The following METTL15 variants were observed in gnomAD, a reference collection of about 807,000 sequenced individuals.
METTL15 encodes methyltransferase 15, mitochondrial 12S rRNA N4-cytidine.
A neutral mutation model predicts 38.3 loss-of-function variants in METTL15; 34 were observed. The ratio of observed to expected loss-of-function variants is 0.89; its 90% CI spans 0.68 to 1.18. METTL15 has a LOEUF of 1.18. Among genes scored for constraint, METTL15 ranks in the 50% most tolerant of loss-of-function variants. METTL15 has a pLI of 0.00. For missense variants in METTL15, 438 were observed against 498.4 expected, an observed-to-expected ratio of 0.88 and a Z score of 1.15; for synonymous variants, 162 against 170.9, an observed-to-expected ratio of 0.95 and a Z score of 0.41.
intron 2 of METTL15, among the ~76,000 whole-genome samples, chr11:28,111,627 A>G (rs1447454288): frequency 6.6e-6 from 1 of 152,192 alleles, no homozygotes; most frequent in Non-Finnish European, 1.5e-5. Context: ...CTCTGGGGGT[A>G]GACTGTGTTA....
At chr11:28,347,147 GCTTTGTTTCCCTT>G (rs1482989391) in intron 3 of METTL15, among the ~76,000 whole-genome samples, 22 of 152,210 alleles carry the variant, frequency 1.4e-4, no homozygotes, top group Admixed American at 1.3e-3. Flanking sequence ...ATGAGAATGT[GCTTTGTTTCCCTT>G]CTATTACAGG....
intron 4 of METTL15, among the ~76,000 whole-genome samples, chr11:28,260,185 A>G (rs1855144388): frequency 6.6e-6 from 1 of 152,188 alleles, no homozygotes; most frequent in Non-Finnish European, 1.5e-5. Context: ...TACTAAGAAC[A>G]TATCAGTTTC....
intron 4 of METTL15, among the ~76,000 whole-genome samples, chr11:28,268,642 A>T (rs954291958): frequency 1.3e-5 from 2 of 152,190 alleles, no homozygotes; most frequent in Non-Finnish European, 2.9e-5. Context: ...AAGGTAGTAC[A>T]ATTGCTGTGT....
chr11:28,223,197 A>G lies in METTL15; in HGVS notation c.407+11999A>G, dbSNP rs749489853. On this transcript the variant is annotated intron_variant, in intron 4 of 6. Transcript: ENST00000407364. The stretch of plus-strand genomic sequence containing the variant: ...GCTTGTGTATATATAATCATGGAAA[A>G]CTTGAAAAAGACAGGATTAACAATG... Among the ~76,000 whole-genome samples, 5 of 152,240 alleles carry G rather than the reference A, an allele frequency of 3.3e-5. No homozygotes were observed. In the South Asian group the frequency reaches 8.3e-4, roughly 25 times the overall value.
At chr11:28,499,184 GA>G (rs1851561873) in intron 6 of METTL15, among the ~76,000 whole-genome samples, 1 of 152,142 alleles carries the variant, frequency 6.6e-6, no homozygotes, top group Admixed American at 6.5e-5. Flanking sequence ...CTGCCCCTTG[GA>G]CCTTTGCCTA....
intron 3 of METTL15, among the ~76,000 whole-genome samples, chr11:28,201,610 G>GGTGTGTGTGTGTGTGTGTGT (rs71050951): frequency 0.022 from 3,223 of 145,486 alleles, 76 homozygotes; most frequent in African/African-American, 0.044. Flanking sequence ...GTCTTGGGAG[G>GGTGTGTGTGTGTGTGTGTGT]GTGTGTGTGT....
intron 6 of METTL15, among the ~76,000 whole-genome samples, chr11:28,521,120 T>A (rs1172661865): frequency 6.6e-6 from 1 of 152,236 alleles, no homozygotes; most frequent in Admixed American, 6.5e-5. Context: ...TTGTATTTTA[T>A]ACAGTTTTGT....
At chr11:28,231,135 T>C (rs980213768) in intron 4 of METTL15, among the ~76,000 whole-genome samples, 1 of 151,938 alleles carries the variant, frequency 6.6e-6, no homozygotes, top group Non-Finnish European at 1.5e-5. Flanking sequence ...TATTAAATCA[T>C]ATTCTGGTAT....
intron 5 of METTL15, among the ~76,000 whole-genome samples, chr11:28,411,200 C>T (rs1026347787): frequency 2.6e-5 from 4 of 151,792 alleles, no homozygotes; most frequent in Non-Finnish European, 5.9e-5. Context: ...TTAACATAAT[C>T]GCCATCAAAA....
rs1294569291 is a variant in METTL15 at position 28,409,367 on chromosome 11, G to A, written c.*359-14932G>A. 7.1e-5 allele frequency among the ~76,000 whole-genome samples: 8 copies of A among 112,606 alleles called. No individual in the cohort carries two copies. In the East Asian group the frequency reaches 2.1e-3, roughly 30 times the overall value. The allele number at this position is 112,606 out of a possible 152,430, so 73.9% of individuals were successfully genotyped here. A position where few individuals can be genotyped will look rare whatever the true frequency, so the allele number is the denominator to read the frequency against. Reference sequence around the variant, plus strand: ...ACTGCACTCCAGCCTGGGAGACAGAGCGAGACTCCGTCTCAAAAAAAAAAA... The same window carrying A: ...ACTGCACTCCAGCCTGGGAGACAGAACGAGACTCCGTCTCAAAAAAAAAAA... On this transcript the variant is annotated intron_variant and NMD_transcript_variant, in intron 5 of 7. Transcript: ENST00000532947.
intron 4 of METTL15, among the ~76,000 whole-genome samples, chr11:28,284,555 CTTACA>C (rs1360513893): frequency 2.6e-5 from 4 of 151,968 alleles, no homozygotes; most frequent in Non-Finnish European, 5.9e-5. Flanking sequence ...AAAAATTGTA[CTTACA>C]TTTAAAAAAA....
intron 6 of METTL15, among the ~76,000 whole-genome samples, chr11:28,459,161 A>G (rs1281061026): frequency 6.6e-6 from 1 of 152,220 alleles, no homozygotes; most frequent in Non-Finnish European, 1.5e-5. Flanking sequence ...CCAAAATGGT[A>G]ATTCAGCAAG....
intron 3 of METTL15, among the ~76,000 whole-genome samples, chr11:28,170,136 C>T (rs1009934212): frequency 6.6e-6 from 1 of 152,124 alleles, no homozygotes; most frequent in African/African-American, 2.4e-5. Flanking sequence ...CCAGAGAATT[C>T]TCTAATCTCT....
At chr11:28,430,682 A>G (rs1399277844) in intron 6 of METTL15, among the ~76,000 whole-genome samples, 9 of 80,860 alleles carry the variant, frequency 1.1e-4, no homozygotes, top group East Asian at 4.5e-4. Flanking sequence ...TGGGAAGTGA[A>G]GAGCCCCTCT....
At position 28,388,252 on chromosome 11, in the gene METTL15, G is replaced by GA. The variant is rs533176733; in HGVS notation, c.*358+26222dup. On this transcript the variant is annotated intron_variant and NMD_transcript_variant, in intron 5 of 7. Transcript: ENST00000532947. Reference sequence around the variant, plus strand: ...AAAAGAAATAAAACTTATACAAGTAGAAAAAACAAGTGAAATTATCACTAT... The same window carrying GA: ...AAAAGAAATAAAACTTATACAAGTAGAAAAAAACAAGTGAAATTATCACTAT... 1.6e-3 allele frequency among the ~76,000 whole-genome samples: 249 copies of GA among 152,032 alleles called. 1 individual carries two copies. Among genetic ancestry groups the GA allele is most frequent in the Non-Finnish European group, 2.2e-3 (151 of 67,938 alleles).
chr11:28,255,292 C>T (rs1480523706), intron 4 of METTL15, among the ~76,000 whole-genome samples: 3 of 152,090 alleles, frequency 2.0e-5, no homozygotes, highest in Non-Finnish European at 1.5e-5. Context: ...AGAAATGCTA[C>T]TGATTTTTGT....
chr11:28,430,945 GT>G (rs1850920519), intron 6 of METTL15, among the ~76,000 whole-genome samples: 1 of 108,360 alleles, frequency 9.2e-6, no homozygotes, highest in African/African-American at 3.2e-5. Flanking sequence ...CGTCCGGGAG[GT>G]GAGGGGCGCC....
At chr11:28,342,864 T>TA (rs1564901381) in intron 3 of METTL15, among the ~76,000 whole-genome samples, 1 of 152,204 alleles carries the variant, frequency 6.6e-6, no homozygotes, top group East Asian at 1.9e-4. Context: ...TTCTGTCACA[T>TA]ATCTTTGTCG....
At chr11:28,136,095 A>G (rs1235954236) in intron 3 of METTL15, among the ~76,000 whole-genome samples, 1 of 152,238 alleles carries the variant, frequency 6.6e-6, no homozygotes, top group Non-Finnish European at 1.5e-5. Flanking sequence ...GATCAAAGCT[A>G]GACAACAATT....
Sources: allele counts gnomAD v4.1 joint callset (sites outside exome capture counted in the v4.1 genomes callset), GRCh38; gene constraint gnomAD v4.1.1; transcripts MANE v1.5; gene names NCBI Gene and HGNC (gene_info 2026-07-23, HGNC 2026-07-21).